The following TTN variants were observed in gnomAD, a reference collection of about 807,000 sequenced individuals.
TTN encodes titin, also known as connectin.
Under a neutral mutation model 3,223.0 loss-of-function variants are expected in TTN, and 1,525 were observed. The ratio of observed to expected loss-of-function variants is 0.47; its 90% CI spans 0.45 to 0.49. The LOEUF (loss-of-function observed/expected upper bound fraction) is 0.49. TTN is among the 20% of genes least tolerant of loss of function. The probability of loss-of-function intolerance (pLI) is 0.00; values close to 1 mark genes in which losing one functional copy is unlikely to be tolerated. For synonymous variants in TTN, 14,094 were observed against 15,161.0 expected (o/e 0.93, Z 5.17); for missense variants, 40,786 against 43,424.0 (o/e 0.94, Z 5.40).
Position 178,782,384 on chromosome 2 carries a change from T to C in TTN, c.3208A>G (p.Thr1070Ala), listed in dbSNP as rs753928405. 8 of 1,614,082 alleles carry C rather than the reference T, an allele frequency of 5.0e-6. No homozygotes were observed. The highest frequency in any genetic ancestry group is 3.3e-4 in the Middle Eastern group (2 of 6,062). The change falls in exon 20 of 363, where the codon ACA becomes GCA. Residue 1070 changes from threonine to alanine, a missense_variant. Transcript: ENST00000589042. The part of the protein sequence containing the change: ...RDVVMTDTSL[T>A]EEQAGPGEPA... ...TCTCCAGGCCCTGCTTGTTCCTCTG[T>C]GAGGCTAGTATCAGTCATAACCACA...
Position 178,609,390 on chromosome 2 carries a change from T to G in TTN, c.51920A>C (p.Glu17307Ala), listed in dbSNP as rs745810412. 1 of 1,612,316 alleles carries G rather than the reference T, an allele frequency of 6.2e-7. No homozygotes were observed. The highest frequency in any genetic ancestry group is 8.5e-7 in the Non-Finnish European group (1 of 1,179,030). The change falls in exon 273 of 363, where the codon GAA (glutamate) becomes GCA (alanine). Residue 17307 changes from glutamate to alanine, a missense_variant. Glu to Ala is a moderately radical substitution (Grantham distance 107, BLOSUM62 -1). Transcript: ENST00000589042. ...AAPLVRRRKG[E>A]VQEEEPFVLP... The stretch of plus-strand genomic sequence containing the variant: ...GACAAATGGTTCTTCTTCTTGAACT[T>G]CACCCTTCCTTCTCCTAACCAAGGG...
Position 178,729,912 on chromosome 2 carries a change from A to G in TTN, c.18341T>C (p.Val6114Ala). The G allele has an allele frequency of 6.2e-7, 1 of 1,613,176 alleles. No individual in the cohort carries two copies. Among genetic ancestry groups the G allele is most frequent in the Non-Finnish European group, 8.5e-7 (1 of 1,179,572 alleles). ...TGACTGTCCATTCCTCAGCACTAAGACTGGACTGGGCTTCTTAATGAATTG... is the reference window on the plus strand; with the variant it reads ...TGACTGTCCATTCCTCAGCACTAAGGCTGGACTGGGCTTCTTAATGAATTG... ...PPQFIKKPSP[V>A]LVLRNGQSTT... The change falls in exon 63 of 363, where the codon GTC becomes GCC. Residue 6114 changes from valine (V) to alanine (A), a missense_variant. Transcript: ENST00000589042.
Position 178,615,449 on chromosome 2 carries a change from C to T in TTN, c.48496G>A (p.Asp16166Asn). Residue 16166 changes from aspartate (D) to asparagine (N), a missense_variant, in exon 259 of 363, where the codon GAT becomes AAT. Asp to Asn is a conservative substitution (Grantham distance 23, BLOSUM62 1). Transcript: ENST00000589042. The stretch of plus-strand genomic sequence containing the variant: ...AAGAAGATGCTATTGGCTGTTCGAT[C>T]TCTCCATTTAACATTCTCTGGTGGG... ...PDPPENVKWR[D>N]RTANSIFLTW... 1 of 1,612,406 alleles carries T rather than the reference C, an allele frequency of 6.2e-7. No homozygotes were observed. The highest frequency in any genetic ancestry group is 8.5e-7 in the Non-Finnish European group (1 of 1,178,934).
Position 178,564,708 on chromosome 2 carries a change from C to T in TTN, c.81424G>A (p.Glu27142Lys). The change falls in exon 326 of 363, where the codon GAG (glutamate) becomes AAG (lysine). Residue 27142 changes from glutamate to lysine, a missense_variant. Coordinates refer to ENST00000589042, the MANE Select transcript of TTN (RefSeq NM_001267550.2). ...FKTTGLDEGLEYEFKVSAENI... is the reference protein window; with the variant it reads ...FKTTGLDEGLKYEFKVSAENI... ...TCAGCAGAAACTTTGAACTCATACT[C>T]AAGGCCCTCATCAAGCCCAGTTGTT... 6.2e-7 allele frequency: 1 copy of T among 1,613,302 alleles called. No homozygotes were observed.
intron 43 of TTN, 29 bp downstream of exon 43, chr2:178,764,148 G>T: frequency 1.2e-6 from 2 of 1,614,000 alleles, no homozygotes; most frequent in Non-Finnish European, 1.7e-6. Context: ...GTAAGTATTG[G>T]CAATGACACC....
rs1340193993 is a variant in TTN, at chr2:178,529,137, C to G, written c.106614G>C (p.Glu35538Asp). The stretch of plus-strand genomic sequence containing the variant: ...ACCTTAGGGCTTTTTGGGAAATTTC[C>G]TCTTGGACAACAGCTTTCTTCTGAG... The part of the protein sequence containing the change: ...ITPQKKAVVQ[E>D]EISQKALRSE... Residue 35538 changes from glutamate (E) to aspartate (D), a missense_variant, in exon 360 of 363, where the codon GAG becomes GAC. Transcript: ENST00000589042. The G allele has an allele frequency of 6.3e-7, 1 of 1,586,604 alleles. No individual in the cohort carries two copies.
Position 178,782,787 on chromosome 2 carries a change from T to TG in TTN, c.3100+18dup, listed in dbSNP as rs2092894920. On this transcript the variant is annotated intron_variant, in intron 18 of 362. Transcript: ENST00000589042. ...AGTGATGGCATGTGCATTAGGACTG[T>TG]GGGAGGGTGGCCACTAACCCTGCAC... 1 of 1,612,106 alleles carries TG rather than the reference T, an allele frequency of 6.2e-7. No homozygotes were observed. Among genetic ancestry groups the TG allele is most frequent in the South Asian group, 1.1e-5 (1 of 91,008 alleles).
At position 178,571,331 on chromosome 2, in the gene TTN, C is replaced by T. The variant is rs1450413002; in HGVS notation, c.74801G>A (p.Ser24934Asn). 2 of 1,613,358 alleles carry T rather than the reference C, an allele frequency of 1.2e-6. No homozygotes were observed. Among genetic ancestry groups the T allele is most frequent in the South Asian group, 1.1e-5 (1 of 91,080 alleles). ...SMEVQWNEPISDGGSRVIGYH... is the reference protein window; with the variant it reads ...SMEVQWNEPINDGGSRVIGYH... ...GCCAATGACTCTACTTCCTCCATCA[C>T]TGATTGGCTCATTCCATTGTACTTC... Residue 24934 changes from serine to asparagine, a missense_variant, in exon 326 of 363, where the codon AGT becomes AAT. By Grantham distance (46) the Ser-to-Asn change is conservative (BLOSUM62 1). Coordinates refer to ENST00000589042, the MANE Select transcript of TTN (RefSeq NM_001267550.2).
chr2:178,761,181 G>A (rs2089112491), intron 43 of TTN, among the ~76,000 whole-genome samples: 1 of 152,006 alleles, frequency 6.6e-6, no homozygotes, highest in Non-Finnish European at 1.5e-5. Flanking sequence ...CCCTGGCTGA[G>A]GGCCTCATCC....
In TTN at chr2:178,673,713, TAAAAG is replaced by T. The variant is rs1374634924; in HGVS notation, c.34709-8_34709-4del. 2 of 1,584,864 alleles carry T rather than the reference TAAAAG, an allele frequency of 1.3e-6. No homozygotes were observed. Among genetic ancestry groups the T allele is most frequent in the African/African-American group, 1.4e-5 (1 of 73,030 alleles). On this transcript the variant is annotated splice_polypyrimidine_tract_variant and splice_region_variant and intron_variant, in intron 151 of 362. Transcript: ENST00000589042. Reference sequence around the variant, plus strand: ...TGCTTTCTTAATCACTTCAGGCACTTAAAAGAAATTTTATGAACATTTTGAAAAGT... The same window carrying T: ...TGCTTTCTTAATCACTTCAGGCACTTAAATTTTATGAACATTTTGAAAAGT...
At position 178,672,419 on chromosome 2, in the gene TTN, G is replaced by A; in HGVS notation, c.34918C>T (p.Pro11640Ser). ...KVLVPKKEAVPPAKGRTVLEE... is the reference protein window; with the variant it reads ...KVLVPKKEAVSPAKGRTVLEE... ...TTTCCAAAAATACCTTTAGCTGGGG[G>A]AACAGCTTCCTTTTTAGGCACAAGG... Residue 11640 changes from proline to serine, a missense_variant, in exon 154 of 363, where the codon CCC (proline) becomes TCC (serine). Transcript: ENST00000589042. The A allele has an allele frequency of 2.5e-6, 4 of 1,601,404 alleles. No individual in the cohort carries two copies. Among genetic ancestry groups the A allele is most frequent in the Non-Finnish European group, 1.7e-6 (2 of 1,176,498 alleles).
chr2:178,679,517 C>T, intron 141 of TTN, 82 bp downstream of exon 141: 3 of 1,584,960 alleles, frequency 1.9e-6, no homozygotes, highest in Non-Finnish European at 1.7e-6. Context: ...GACACACACA[C>T]AAGGTTTTGA....
chr2:178,694,870 G>T lies in TTN; in HGVS notation c.31307C>A (p.Thr10436Asn). ...TTTTTCTTCCTCCATTCTTCGAGAA[G>T]TCTTTTCAATTTTTTCAATTACTGG... Reference protein sequence around the residue: ...KKPVIEKIEKTSRRMEEEKVQ... With the variant: ...KKPVIEKIEKNSRRMEEEKVQ... Residue 10436 changes from threonine (T) to asparagine (N), a missense_variant, in exon 116 of 363, where the codon ACT becomes AAT. Transcript: ENST00000589042. 3 of 1,559,632 alleles carry T rather than the reference G, an allele frequency of 1.9e-6. No individual in the cohort carries two copies. In the South Asian group the frequency reaches 3.5e-5, roughly 18 times the overall value.
Position 178,588,545 on chromosome 2 carries a change from G to A in TTN, c.63180C>T (p.Asp21060=), listed in dbSNP as rs778030754. The part of the protein sequence containing the change: ...SLPSRPVVAK[D]PIEPPGPPTN... ...AAAACAAGGACATCCTACCTATGGG[G>A]TCTTTTGCCACCACCGGTCTTGAAG... The change falls in exon 304 of 363, where the codon GAC becomes GAT. Residue 21060 remains aspartate, a synonymous_variant. Transcript: ENST00000589042. The A allele has an allele frequency of 1.3e-6, 2 of 1,525,316 alleles. No homozygotes were observed. Among genetic ancestry groups the A allele is most frequent in the Non-Finnish European group, 1.8e-6 (2 of 1,140,560 alleles). The allele number at this position is 1,525,316 out of a possible 1,614,324, so 94.5% of individuals were successfully genotyped here.
intron 351 of TTN, 28 bp downstream of exon 351, chr2:178,540,040 G>A (rs2154140402): frequency 1.3e-6 from 2 of 1,594,846 alleles, no homozygotes; most frequent in Non-Finnish European, 1.7e-6. Context: ...GGCAATTATT[G>A]CAGAAAGCAA....
rs1703240461 is a variant in TTN at position 178,560,566 on chromosome 2, T to G, written c.85566A>C (p.Ile28522=). ...VTKLLKGNEY[I]FRVTGVNKYG... ...ATTTATTAACACCAGTTACTCTAAA[T>G]ATATATTCATTGCCTTTGAGTAACT... Residue 28522 remains isoleucine, a synonymous_variant, in exon 326 of 363, where the codon ATA becomes ATC. Transcript: ENST00000589042. 7.4e-6 allele frequency: 12 copies of G among 1,613,338 alleles called. No individual in the cohort carries two copies. The East Asian group carries it at 2.5e-4, about 33-fold the overall frequency.
intron 258 of TTN, 61 bp downstream of exon 258, chr2:178,615,580 T>C: frequency 6.2e-7 from 1 of 1,610,162 alleles, no homozygotes; most frequent in Non-Finnish European, 8.5e-7. Context: ...ACTTCAACTC[T>C]AGGTCTAAAA....
chr2:178,705,055 C>T, intron 103 of TTN, 89 bp from the exon 104 acceptor site: 12 of 1,570,646 alleles, frequency 7.6e-6, no homozygotes, highest in Non-Finnish European at 1.0e-5. Context: ...ATTCTGGATG[C>T]TGGTTAGGTC....
chr2:178,764,916 C>T, intron 41 of TTN, 105 bp from the exon 42 acceptor site: 3 of 1,369,324 alleles, frequency 2.2e-6, no homozygotes, highest in Non-Finnish European at 3.0e-6. Context: ...CATCCAGAGA[C>T]AAAATTTTGG....
Sources: gnomAD v4.1 joint callset for allele counts (sites outside exome capture counted in the v4.1 genomes callset) on GRCh38, gnomAD v4.1.1 for gene constraint, MANE v1.5 for transcripts, NCBI Gene and HGNC (gene_info 2026-07-23, HGNC 2026-07-21) for gene names.